ROR1: variants seen among roughly 807,000 people sequenced by gnomAD.
ROR1 encodes the protein ROR family WNT receptor 1.
Under a neutral mutation model 78.8 loss-of-function variants are expected in ROR1, and 19 were observed. That is an observed-to-expected ratio of 0.24 (90% CI 0.17 to 0.35). The LOEUF is 0.35. Ranked by LOEUF, ROR1 falls within the 10% of genes least tolerant of loss-of-function variation. ROR1 has a pLI of 1.00. For missense variants in ROR1, 917 were observed against 1,177.8 expected, an observed-to-expected ratio of 0.78 and a Z score of 3.24; for synonymous variants, 386 against 433.6, an observed-to-expected ratio of 0.89 and a Z score of 1.36.
chr1:63,997,820 C>G lies in ROR1; in HGVS notation c.92-11485C>G, dbSNP rs564714695. Reference sequence around the variant, plus strand: ...CTGTATCTATGGTTAGTTTCTGTATCTATGATTAGTGTTTTTTTTTTTTAA... The same window carrying G: ...CTGTATCTATGGTTAGTTTCTGTATGTATGATTAGTGTTTTTTTTTTTTAA... On this transcript the variant is annotated intron_variant, in intron 1 of 8. Coordinates refer to ENST00000371079, the MANE Select transcript of ROR1 (RefSeq NM_005012.4). 6.7e-5 allele frequency among the ~76,000 whole-genome samples: 9 copies of G among 134,578 alleles called. No individual in the cohort carries two copies. The East Asian group carries it at 2.0e-3, about 29-fold the overall frequency. The allele number at this position is 134,578 out of a possible 152,430, so 88.3% of individuals were successfully genotyped here.
At chr1:63,888,879 G>T (rs1645375262) in intron 1 of ROR1, among the ~76,000 whole-genome samples, 1 of 151,970 alleles carries the variant, frequency 6.6e-6, no homozygotes, top group African/African-American at 2.4e-5. Context: ...GTTATCTATT[G>T]CTGTATAACC....
chr1:64,133,558 T>C (rs1173508088), intron 4 of ROR1, among the ~76,000 whole-genome samples: 2 of 152,212 alleles, frequency 1.3e-5, no homozygotes, highest in South Asian at 2.1e-4. Flanking sequence ...TGGCAGGTTG[T>C]AGAGGCTGGC....
chr1:63,960,653 C>G (rs1337391526), intron 1 of ROR1, among the ~76,000 whole-genome samples: 1 of 152,162 alleles, frequency 6.6e-6, no homozygotes, highest in Non-Finnish European at 1.5e-5. Context: ...ATTAACATTC[C>G]TGTCAAGGCT....
intron 1 of ROR1, among the ~76,000 whole-genome samples, chr1:63,857,331 G>A (rs1569825883): frequency 6.6e-6 from 1 of 152,032 alleles, no homozygotes; most frequent in African/African-American, 2.4e-5. Flanking sequence ...CCTAGTTGAT[G>A]CTTGAAACAA....
chr1:64,014,725 ATACACATACGCACAC>A (rs1441298506), intron 2 of ROR1, among the ~76,000 whole-genome samples: 6 of 43,354 alleles, frequency 1.4e-4, no homozygotes, highest in Non-Finnish European at 1.8e-4. Context: ...ATATATATAT[ATACACATACGCACAC>A]TATATATATA....
At chr1:64,048,996 G>A (rs919186427) in intron 2 of ROR1, among the ~76,000 whole-genome samples, 1 of 152,162 alleles carries the variant, frequency 6.6e-6, no homozygotes, top group Non-Finnish European at 1.5e-5. Flanking sequence ...TGTACTCATA[G>A]AACTGTATAA....
At chr1:63,971,252 T>C (rs1428518836) in intron 1 of ROR1, among the ~76,000 whole-genome samples, 3 of 152,172 alleles carry the variant, frequency 2.0e-5, no homozygotes, top group African/African-American at 7.2e-5. Context: ...TTAAACCCCT[T>C]AGGCCTCACT....
At chr1:63,950,433 G>T (rs570407718) in intron 1 of ROR1, among the ~76,000 whole-genome samples, 2 of 152,200 alleles carry the variant, frequency 1.3e-5, no homozygotes, top group Non-Finnish European at 2.9e-5. Context: ...GGGAGTTTAA[G>T]TATGGTAATG....
At chr1:63,800,374 G>T (rs1644788281) in intron 1 of ROR1, among the ~76,000 whole-genome samples, 1 of 152,172 alleles carries the variant, frequency 6.6e-6, no homozygotes, top group African/African-American at 2.4e-5. Flanking sequence ...GCCCTAAGAA[G>T]TGTGGGTCTT....
At chr1:64,054,095 A>G (rs1646854893) in intron 4 of ROR1, among the ~76,000 whole-genome samples, 1 of 152,080 alleles carries the variant, frequency 6.6e-6, no homozygotes, top group Non-Finnish European at 1.5e-5. Context: ...CTGGGACCAC[A>G]GGCACGCACT....
In ROR1 at chr1:64,179,024, G is replaced by GAAAAAAAAAAAAAAAAAAA. The variant is rs10709706; in HGVS notation, c.*173_*191dup. On this transcript the variant is annotated 3_prime_UTR_variant, in exon 9 of 9. Coordinates refer to ENST00000371079, the MANE Select transcript of ROR1 (RefSeq NM_005012.4). Reference sequence around the variant, plus strand: ...ACCAAGCAGGACAGACACTCGGCCAGAAAAAAAAAAAAAAAAAAAAAACAA... The same window carrying GAAAAAAAAAAAAAAAAAAA: ...ACCAAGCAGGACAGACACTCGGCCAGAAAAAAAAAAAAAAAAAAAAAAAAAAAAAAAAAAAAAAAAACAA... The GAAAAAAAAAAAAAAAAAAA allele has an allele frequency of 6.6e-6, 1 of 152,188 alleles. No individual in the cohort carries two copies. Among genetic ancestry groups the GAAAAAAAAAAAAAAAAAAA allele is most frequent in the Non-Finnish European group, 1.2e-5 (1 of 85,068 alleles). The allele number at this position is 152,188 out of a possible 1,614,324, so 9.4% of individuals were successfully genotyped here.
At chr1:64,061,618 G>C (rs1646917734) in intron 4 of ROR1, among the ~76,000 whole-genome samples, 1 of 152,202 alleles carries the variant, frequency 6.6e-6, no homozygotes, top group Admixed American at 6.5e-5. Flanking sequence ...GGGTGCTGGT[G>C]CTGCTGGTTC....
rs201923517 is a variant in ROR1, at chr1:64,156,808, C to T, written c.1175-2173C>T. 3.3e-5 allele frequency among the ~76,000 whole-genome samples: 5 copies of T among 152,056 alleles called. No homozygotes were observed. In the East Asian group the frequency reaches 7.7e-4, roughly 23 times the overall value. On this transcript the variant is annotated intron_variant, in intron 7 of 8. Transcript: ENST00000371079. Reference sequence around the variant, plus strand: ...CAGATCACCCTCATCCTTCCTACCTCCATGAAACAAGAGGAACCCTACTAT... The same window carrying T: ...CAGATCACCCTCATCCTTCCTACCTTCATGAAACAAGAGGAACCCTACTAT...
At chr1:63,856,861 G>T (rs1402740745) in intron 1 of ROR1, among the ~76,000 whole-genome samples, 2 of 152,100 alleles carry the variant, frequency 1.3e-5, no homozygotes, top group African/African-American at 4.8e-5. Flanking sequence ...TGCCATCCTT[G>T]ACTCCATGTG....
At chr1:63,838,702 G>T (rs1242856229) in intron 1 of ROR1, among the ~76,000 whole-genome samples, 1 of 151,928 alleles carries the variant, frequency 6.6e-6, no homozygotes, top group African/African-American at 2.4e-5. Flanking sequence ...GTAGCCTAGG[G>T]GTACAGTGTT....
chr1:63,791,597 G>A (rs1167934586), intron 1 of ROR1, among the ~76,000 whole-genome samples: 1 of 152,080 alleles, frequency 6.6e-6, no homozygotes, highest in African/African-American at 2.4e-5. Flanking sequence ...CTCAGAAGGA[G>A]GCTGAGACCC....
At chr1:64,016,909 T>C (rs974685418) in intron 2 of ROR1, among the ~76,000 whole-genome samples, 8 of 151,096 alleles carry the variant, frequency 5.3e-5, no homozygotes, top group African/African-American at 1.7e-4. Flanking sequence ...GAAAAACACA[T>C]AGGGATTATT....
chr1:64,047,604 C>G (rs1264637693), intron 2 of ROR1, among the ~76,000 whole-genome samples: 1 of 152,158 alleles, frequency 6.6e-6, no homozygotes, highest in East Asian at 1.9e-4. Context: ...ACAAAGGGTA[C>G]ATAGTTATCT....
chr1:64,122,952 C>T (rs2100690120), intron 4 of ROR1, among the ~76,000 whole-genome samples: 1 of 152,298 alleles, frequency 6.6e-6, no homozygotes, highest in Admixed American at 6.5e-5. Flanking sequence ...TGGCTCCTCC[C>T]TCATTTCAGA....
Sources: allele counts gnomAD v4.1 joint callset (sites outside exome capture counted in the v4.1 genomes callset), GRCh38; gene constraint gnomAD v4.1.1; transcripts MANE v1.5; gene names NCBI Gene and HGNC (gene_info 2026-07-23, HGNC 2026-07-21).